ANKRD27: variants seen among roughly 807,000 people sequenced by gnomAD.
ANKRD27 encodes ankyrin repeat domain 27, also known as ankyrin repeat domain-containing protein 27.
In ANKRD27, 112 loss-of-function variants were observed where a neutral mutation model predicts 129.7. The observed-to-expected ratio is 0.86, with a 90% CI of 0.74 to 1.01. The LOEUF (loss-of-function observed/expected upper bound fraction) is 1.01, where lower values mean the gene tolerates loss of function less well. ANKRD27 is among the 50% of genes least tolerant of loss of function. ANKRD27 has a pLI of 0.00. For synonymous variants in ANKRD27, 516 were observed against 511.2 expected, an observed-to-expected ratio of 1.01 and a Z score of -0.13; for missense variants, 1,258 against 1,300.5, an observed-to-expected ratio of 0.97 and a Z score of 0.50.
chr19:32,656,059 A>AAAAGAAAAG (rs1967514520), intron 2 of ANKRD27, among the ~76,000 whole-genome samples: 2 of 65,884 alleles, frequency 3.0e-5, no homozygotes, highest in African/African-American at 5.4e-5. Context: ...GAAAAGAAAG[A>AAAAGAAAAG]AAAGAAAGAA....
At chr19:32,622,944 G>GTT (rs5827812) in intron 17 of ANKRD27, among the ~76,000 whole-genome samples, 36 of 143,322 alleles carry the variant, frequency 2.5e-4, no homozygotes, top group East Asian at 4.1e-4. Context: ...TGCCTGGATG[G>GTT]TTTTTTTTTT....
At chr19:32,627,189 T>C (rs8105481) in intron 15 of ANKRD27, among the ~76,000 whole-genome samples, 104,018 of 151,732 alleles carry the variant, frequency 0.69, 36,370 homozygotes, top group African/African-American at 0.83. Context: ...AGGAGAAAAA[T>C]AGCACACAAC....
chr19:32,657,981 A>T (rs1967574839), intron 2 of ANKRD27, among the ~76,000 whole-genome samples: 1 of 152,184 alleles, frequency 6.6e-6, no homozygotes. Context: ...TCTCAAAAAA[A>T]TTTAATAAAT....
chr19:32,649,577 A>T, intron 3 of ANKRD27, 105 bp downstream of exon 3: 1 of 810,138 alleles, frequency 1.2e-6, no homozygotes, highest in Non-Finnish European at 2.1e-6. Context: ...GTCAAATGCC[A>T]CCATTGCCAG....
intron 22 of ANKRD27, among the ~76,000 whole-genome samples, chr19:32,610,348 G>A (rs770654566): frequency 2.6e-5 from 4 of 151,902 alleles, no homozygotes; most frequent in African/African-American, 9.7e-5. Flanking sequence ...AGCCCAGCAT[G>A]GTGGTACGTG....
chr19:32,601,976 A>G, intron 26 of ANKRD27, 39 bp downstream of exon 26: 1 of 1,301,642 alleles, frequency 7.7e-7, no homozygotes, highest in Non-Finnish European at 1.1e-6. Context: ...GTCTAAATAT[A>G]CCCAACTTGA....
chr19:32,614,860 C>T (rs145060044), intron 22 of ANKRD27, among the ~76,000 whole-genome samples: 179 of 152,174 alleles, frequency 1.2e-3, no homozygotes, highest in Middle Eastern at 3.4e-3. Context: ...CTAAGATCCA[C>T]GGATTGCATC....
chr19:32,656,870 G>C (rs924510029), intron 2 of ANKRD27, among the ~76,000 whole-genome samples: 8 of 152,036 alleles, frequency 5.3e-5, no homozygotes, highest in African/African-American at 1.9e-4. Flanking sequence ...GTATACAGCA[G>C]CTTTTAATAA....
chr19:32,599,641 G>C (rs1599729303), intron 28 of ANKRD27, 63 bp downstream of exon 28: 1 of 1,448,580 alleles, frequency 6.9e-7, no homozygotes, highest in Non-Finnish European at 9.6e-7. Flanking sequence ...GTTTACCATG[G>C]ATTACTTTTG....
intron 2 of ANKRD27, among the ~76,000 whole-genome samples, chr19:32,654,170 G>A (rs1196096009): frequency 6.6e-6 from 1 of 152,132 alleles, no homozygotes. Flanking sequence ...AAAGTGCTGG[G>A]ATTACAGGCG....
At chr19:32,649,423 A>AG (rs35138364) in intron 3 of ANKRD27, among the ~76,000 whole-genome samples, 3,646 of 152,298 alleles carry the variant, frequency 0.024, 64 homozygotes, top group East Asian at 0.11. Flanking sequence ...CACACGGCAG[A>AG]AACCCCATCA....
At chr19:32,639,543 A>G in intron 11 of ANKRD27, 55 bp from the exon 12 acceptor site, 2 of 1,510,706 alleles carry the variant, frequency 1.3e-6, no homozygotes, top group Non-Finnish European at 1.8e-6. Flanking sequence ...ACACTTCTGC[A>G]AAAAAAATAT....
At chr19:32,625,061 G>T (rs1162635728) in intron 17 of ANKRD27, among the ~76,000 whole-genome samples, 1 of 152,156 alleles carries the variant, frequency 6.6e-6, no homozygotes, top group African/African-American at 2.4e-5. Context: ...ATCCAGACCA[G>T]CCTGGCCAAC....
intron 16 of ANKRD27, 74 bp downstream of exon 16, chr19:32,626,638 A>C: frequency 8.6e-7 from 1 of 1,157,898 alleles, no homozygotes; most frequent in Non-Finnish European, 1.2e-6. Context: ...AGCCAGCATG[A>C]CCGTACAGTC....
At chr19:32,660,538 G>C (rs1246381297) in intron 1 of ANKRD27, among the ~76,000 whole-genome samples, 4 of 152,054 alleles carry the variant, frequency 2.6e-5, no homozygotes, top group Non-Finnish European at 5.9e-5. Flanking sequence ...AAAAGAAAGA[G>C]GCCTGGGAGA....
chr19:32,650,710 A>T (rs1967398243), intron 2 of ANKRD27, among the ~76,000 whole-genome samples: 1 of 148,814 alleles, frequency 6.7e-6, no homozygotes, highest in African/African-American at 2.5e-5. Context: ...AACACTTCAC[A>T]TGGATGATGG....
intron 25 of ANKRD27, among the ~76,000 whole-genome samples, chr19:32,603,464 C>T (rs1394625683): frequency 6.6e-6 from 1 of 152,202 alleles, no homozygotes; most frequent in African/African-American, 2.4e-5. Flanking sequence ...GACCCTTCCC[C>T]GCCGCTCTCC....
At chr19:32,646,743 A>C in intron 3 of ANKRD27, 128 bp from the exon 4 acceptor site, 1 of 922,006 alleles carries the variant, frequency 1.1e-6, no homozygotes, top group Non-Finnish European at 1.6e-6. Context: ...GCTGGGGCAC[A>C]AATACTCTCC....
intron 1 of ANKRD27, 24 bp from the exon 2 acceptor site, chr19:32,659,069 G>A (rs1599772764): frequency 2.4e-6 from 3 of 1,248,696 alleles, no homozygotes; most frequent in East Asian, 2.4e-5. Flanking sequence ...GGGAAAAGCA[G>A]TGAATAGCCA....
Sources: allele counts gnomAD v4.1 joint callset (sites outside exome capture counted in the v4.1 genomes callset), GRCh38; gene constraint gnomAD v4.1.1; transcripts MANE v1.5; gene names NCBI Gene and HGNC (gene_info 2026-07-23, HGNC 2026-07-21).